Variants in LEMD3 observed in about 807,000 individuals in gnomAD.
LEMD3 encodes LEM domain containing 3, also known as inner nuclear membrane protein Man1.
In LEMD3, 33 loss-of-function variants were observed where a neutral mutation model predicts 95.2. The ratio of observed to expected loss-of-function variants is 0.35; its 90% CI spans 0.26 to 0.46. The LOEUF (loss-of-function observed/expected upper bound fraction) is 0.46, where lower values mean the gene tolerates loss of function less well. Among genes scored for constraint, LEMD3 ranks in the 20% least tolerant of loss-of-function variants. LEMD3 has a pLI of 1.00. For missense variants in LEMD3, 1,210 were observed against 1,192.8 expected (o/e 1.01, Z -0.21); for synonymous variants, 525 against 474.6 (o/e 1.11, Z -1.38).
At position 65,246,270 on chromosome 12, in the gene LEMD3, C is replaced by G; in HGVS notation, c.2681C>G (p.Ser894Cys). ...PLKPSNKHMNSMSHLRLRTGL... is the reference protein window; with the variant it reads ...PLKPSNKHMNCMSHLRLRTGL... The stretch of plus-strand genomic sequence containing the variant: ...AAGCCATCAAATAAACATATGAACT[C>G]CATGTCTCATCTTCGTCTTCGGACT... The change falls in exon 13 of 13, where the codon TCC becomes TGC. Residue 894 changes from serine (S) to cysteine (C), a missense_variant. Ser to Cys is a moderately radical substitution (Grantham distance 112, BLOSUM62 -1). Around this residue, in one of 2 missense-constraint regions of LEMD3, gnomAD observed 461 missense variants for 569.8 expected, o/e 0.81. Coordinates refer to ENST00000308330, the MANE Select transcript of LEMD3 (RefSeq NM_014319.5). The G allele has an allele frequency of 5.0e-6, 8 of 1,613,510 alleles. No individual in the cohort carries two copies. The highest frequency in any genetic ancestry group is 6.8e-6 in the Non-Finnish European group (8 of 1,179,542).
At chr12:65,207,195 G>A (rs995386307) in intron 1 of LEMD3, among the ~76,000 whole-genome samples, 4 of 152,084 alleles carry the variant, frequency 2.6e-5, no homozygotes, top group Non-Finnish European at 4.4e-5. Flanking sequence ...TTTATTCAAC[G>A]GAGAGGGTTG....
At chr12:65,219,189 G>T (rs1870206896) in intron 4 of LEMD3, among the ~76,000 whole-genome samples, 1 of 152,156 alleles carries the variant, frequency 6.6e-6, no homozygotes, top group Non-Finnish European at 1.5e-5. Flanking sequence ...AGATAGGTGA[G>T]TAGTAGCATG....
chr12:65,190,156 T>C (rs568817442), intron 1 of LEMD3, among the ~76,000 whole-genome samples: 1 of 152,336 alleles, frequency 6.6e-6, no homozygotes, highest in African/African-American at 2.4e-5. Context: ...AGTTATAACT[T>C]GTTACAAAGA....
intron 3 of LEMD3, among the ~76,000 whole-genome samples, chr12:65,217,919 G>T (rs576988676): frequency 6.6e-6 from 1 of 152,266 alleles, no homozygotes; most frequent in Non-Finnish European, 1.5e-5. Context: ...ATGGAGTCAA[G>T]CTGTCTTCTC....
chr12:65,241,200 T>G (rs546355932), intron 9 of LEMD3, 113 bp downstream of exon 9: 1 of 873,962 alleles, frequency 1.1e-6, no homozygotes, highest in Non-Finnish European at 1.8e-6. Context: ...AACTCTCTCG[T>G]TCTGTTTCGT....
chr12:65,245,471 G>A (rs751918231), intron 10 of LEMD3, 198 bp from the exon 11 acceptor site: 27 of 555,806 alleles, frequency 4.9e-5, no homozygotes, highest in Non-Finnish European at 8.3e-5. Flanking sequence ...GAAAGTGGGA[G>A]GAGGGCTGAG....
intron 1 of LEMD3, among the ~76,000 whole-genome samples, chr12:65,184,888 T>C (rs1273174997): frequency 6.6e-6 from 1 of 152,146 alleles, no homozygotes; most frequent in Non-Finnish European, 1.5e-5. Flanking sequence ...CCACTAACCA[T>C]TGGACATACT....
Position 65,239,952 on chromosome 12 carries a change from C to T in LEMD3, c.1945C>T (p.Leu649=). The T allele has an allele frequency of 6.2e-7, 1 of 1,610,738 alleles. No homozygotes were observed. The highest frequency in any genetic ancestry group is 2.2e-5 in the East Asian group (1 of 44,772). ...AGGTGTAGTGATGGTTTGTGTCGTT[C>T]TGCGTTACATGAAATATCGATGGAC... is the stretch of plus-strand genomic sequence containing the variant. ...CLGVVMVCVV[L]RYMKYRWTKE... The change falls in exon 7 of 13, where the codon CTG becomes TTG. Residue 649 remains leucine (L), a synonymous_variant. Coordinates refer to ENST00000308330, the MANE Select transcript of LEMD3 (RefSeq NM_014319.5).
Position 65,170,781 on chromosome 12 carries a change from T to C in LEMD3, c.1185T>C (p.Gly395=), listed in dbSNP as rs775902004. The change falls in exon 1 of 13, where the codon GGT becomes GGC. Residue 395 remains glycine (G), a synonymous_variant. Transcript: ENST00000308330. ...TGAAAACCAATAATCATATTGGCGGTGGGGCCTTCAGTGTGGACTCCCCCA... is the reference window on the plus strand; with the variant it reads ...TGAAAACCAATAATCATATTGGCGGCGGGGCCTTCAGTGTGGACTCCCCCA... The part of the protein sequence containing the change: ...SLLKTNNHIG[G]GAFSVDSPRI... 2.5e-6 allele frequency: 4 copies of C among 1,614,152 alleles called. No individual in the cohort carries two copies. The highest frequency in any genetic ancestry group is 2.5e-6 in the Non-Finnish European group (3 of 1,180,020).
intron 1 of LEMD3, among the ~76,000 whole-genome samples, chr12:65,203,889 C>T (rs1869680780): frequency 6.6e-6 from 1 of 152,160 alleles, no homozygotes; most frequent in African/African-American, 2.4e-5. Context: ...TAATGCTCCT[C>T]TTTGTCACTG....
intron 1 of LEMD3, among the ~76,000 whole-genome samples, chr12:65,198,243 T>G (rs7975999): frequency 0.34 from 52,229 of 152,006 alleles, 11,373 homozygotes; most frequent in Non-Finnish European, 0.5. Context: ...CAGTGAGCTG[T>G]CACCATGTTT....
intron 1 of LEMD3, among the ~76,000 whole-genome samples, chr12:65,172,464 AATTCCGAGACAGTCAAATAATAG>A (rs1398051979): frequency 2.6e-5 from 4 of 152,234 alleles, no homozygotes; most frequent in Non-Finnish European, 5.9e-5. Context: ...AGATATAGCC[AATTCCGAGACAGTCAAATAATAG>A]ATTTTTACTC....
In LEMD3 at chr12:65,248,228, A is replaced by G. The variant is rs1271042116; in HGVS notation, c.*1903A>G. ...CCCTGCAAGACAGATGGGAATGTGT[A>G]TAATAACTAGGTATTTGAGAAGTTC... On this transcript the variant is annotated 3_prime_UTR_variant, in exon 13 of 13. Coordinates refer to ENST00000308330, the MANE Select transcript of LEMD3 (RefSeq NM_014319.5). 1 of 152,350 alleles carries G rather than the reference A, an allele frequency of 6.6e-6. No homozygotes were observed. Among genetic ancestry groups the G allele is most frequent in the Admixed American group, 6.5e-5 (1 of 15,274 alleles). The allele number at this position is 152,350 out of a possible 1,614,324, so 9.4% of individuals were successfully genotyped here.
At chr12:65,235,094 T>C (rs1003041440) in intron 4 of LEMD3, among the ~76,000 whole-genome samples, 1 of 152,170 alleles carries the variant, frequency 6.6e-6, no homozygotes, top group Non-Finnish European at 1.5e-5. Flanking sequence ...TGATTTTTAA[T>C]ATATGCATGT....
At chr12:65,232,357 T>C (rs1870655231) in intron 4 of LEMD3, among the ~76,000 whole-genome samples, 1 of 152,142 alleles carries the variant, frequency 6.6e-6, no homozygotes, top group African/African-American at 2.4e-5. Flanking sequence ...GATTGAGGAA[T>C]AAATAAACCA....
chr12:65,241,443 T>A (rs1870936979), intron 9 of LEMD3, among the ~76,000 whole-genome samples: 1 of 151,504 alleles, frequency 6.6e-6, no homozygotes, highest in Admixed American at 6.6e-5. Context: ...ATAAACTATA[T>A]ATGTATATAA....
Position 65,205,163 on chromosome 12 carries a change from A to G in LEMD3, c.1523-5763A>G, listed in dbSNP as rs199881007. 5.9e-5 allele frequency among the ~76,000 whole-genome samples: 9 copies of G among 152,252 alleles called. No individual in the cohort carries two copies. In the East Asian group the frequency reaches 1.7e-3, roughly 29 times the overall value. On this transcript the variant is annotated intron_variant, in intron 1 of 12. Coordinates refer to ENST00000308330, the MANE Select transcript of LEMD3 (RefSeq NM_014319.5). ...CCATCAGATCTCATGAGAACTCACT[A>G]TCATGAGAACAGCATGGGGGAAACT...
At chr12:65,175,342 A>G (rs1351728910) in intron 1 of LEMD3, among the ~76,000 whole-genome samples, 1 of 152,106 alleles carries the variant, frequency 6.6e-6, no homozygotes. Flanking sequence ...TAAAATCTCT[A>G]CCATTCTAAA....
At chr12:65,190,507 A>G (rs751249877) in intron 1 of LEMD3, among the ~76,000 whole-genome samples, 1 of 152,146 alleles carries the variant, frequency 6.6e-6, no homozygotes, top group African/African-American at 2.4e-5. Context: ...CTTTCTATAC[A>G]TCATAACTCT....
Sources: allele counts gnomAD v4.1 joint callset (sites outside exome capture counted in the v4.1 genomes callset), GRCh38; gene constraint gnomAD v4.1.1; regional missense constraint gnomAD v4.1.1; transcripts MANE v1.5; gene names NCBI Gene and HGNC (gene_info 2026-07-23, HGNC 2026-07-21).